The following TIA1 variants were observed in gnomAD, a reference collection of about 807,000 sequenced individuals.
TIA1 encodes the protein cytotoxic granule associated RNA binding protein TIA1.
In TIA1, 23 loss-of-function variants were observed where a neutral mutation model predicts 65.9. That is an observed-to-expected ratio of 0.35 (90% CI 0.25 to 0.49). TIA1 has a LOEUF of 0.49. TIA1 is among the 20% of genes least tolerant of loss of function. The pLI, the probability that TIA1 is intolerant of heterozygous loss-of-function variation, is 0.98. For synonymous variants in TIA1, 147 were observed against 149.4 expected, an observed-to-expected ratio of 0.98 and a Z score of 0.12; for missense variants, 371 against 477.9, an observed-to-expected ratio of 0.78 and a Z score of 2.09.
intron 1 of TIA1, among the ~76,000 whole-genome samples, chr2:70,247,745 C>T (rs1306083255): frequency 6.6e-6 from 1 of 152,146 alleles, no homozygotes; most frequent in Non-Finnish European, 1.5e-5. Context: ...CATTTCCCCT[C>T]AATTGATATA....
intron 2 of TIA1, among the ~76,000 whole-genome samples, chr2:70,232,798 G>C (rs534185769): frequency 1.3e-5 from 2 of 152,126 alleles, no homozygotes; most frequent in African/African-American, 4.8e-5. Flanking sequence ...GAACTCAGGA[G>C]GGGGACGTTG....
At position 70,213,280 on chromosome 2, in the gene TIA1, A is replaced by C. The variant is rs183070687; in HGVS notation, c.1035-435T>G. Among the ~76,000 whole-genome samples the C allele has an allele frequency of 1.4e-4, 21 of 152,278 alleles. No homozygotes were observed. The East Asian group carries it at 3.9e-3, about 28-fold the overall frequency. ...CATTATACTACTCAAAGAAGAAATC[A>C]AAACAATTATTAGCATATGAAAGCT... On this transcript the variant is annotated intron_variant, in intron 12 of 12. Transcript: ENST00000433529.
At chr2:70,247,511 T>C (rs1408333531) in intron 1 of TIA1, among the ~76,000 whole-genome samples, 2 of 152,192 alleles carry the variant, frequency 1.3e-5, no homozygotes, top group Non-Finnish European at 2.9e-5. Flanking sequence ...GCTTTTCTTC[T>C]TCCGAGAAAT....
At position 70,214,289 on chromosome 2, in the gene TIA1, A is replaced by G. The variant is rs1422230225; in HGVS notation, c.1034+60T>C. ...CCACTAATTCTTAAAATTTCTTCCT[A>G]CTTAAAATTTCTTTAGACATTTTCA... On this transcript the variant is annotated intron_variant, in intron 12 of 12. Coordinates refer to ENST00000433529, the MANE Select transcript of TIA1 (RefSeq NM_022173.4). 2.6e-6 allele frequency: 4 copies of G among 1,535,202 alleles called. No individual in the cohort carries two copies. The East Asian group carries it at 9.3e-5, about 36-fold the overall frequency.
At chr2:70,233,764 T>TA (rs528605670) in intron 2 of TIA1, among the ~76,000 whole-genome samples, 9,191 of 129,668 alleles carry the variant, frequency 0.071, 332 homozygotes, top group East Asian at 0.2. Context: ...AGACTCTGTC[T>TA]AAAAAAAAAA....
intron 2 of TIA1, 88 bp downstream of exon 2, chr2:70,235,991 T>C: frequency 4.1e-6 from 3 of 736,810 alleles, no homozygotes; most frequent in South Asian, 1.8e-5. Flanking sequence ...ATTTAGACCA[T>C]GGTAAACTAA....
chr2:70,211,690 C>T lies in TIA1; in HGVS notation c.*1029G>A, dbSNP rs1046149342. On this transcript the variant is annotated 3_prime_UTR_variant, in exon 13 of 13. Transcript: ENST00000433529. ...GAGCAGATGACTTTGTATTCAAAGA[C>T]TACCAAAGTATGTATTTGATTTTCA... 1 of 152,552 alleles carries T rather than the reference C, an allele frequency of 6.6e-6. No individual in the cohort carries two copies. The highest frequency in any genetic ancestry group is 2.4e-5 in the African/African-American group (1 of 41,420). 9.4% of individuals were successfully genotyped at this position (152,552 alleles called of 1,614,324 possible). A position where few individuals can be genotyped will look rare whatever the true frequency, so the allele number is the denominator to read the frequency against.
chr2:70,217,378 G>C (rs1400399083), intron 7 of TIA1, among the ~76,000 whole-genome samples: 1 of 149,844 alleles, frequency 6.7e-6, no homozygotes, highest in African/African-American at 2.4e-5. Context: ...CGCCATATTG[G>C]CCAGGCTGGT....
At chr2:70,227,300 A>G (rs1418355350) in intron 6 of TIA1, among the ~76,000 whole-genome samples, 1 of 152,170 alleles carries the variant, frequency 6.6e-6, no homozygotes, top group Non-Finnish European at 1.5e-5. Flanking sequence ...TCTAGAAAAT[A>G]ATATTCAATA....
At chr2:70,229,489 G>C (rs1685187430) in intron 3 of TIA1, among the ~76,000 whole-genome samples, 171 bp from the exon 4 acceptor site, 2 of 152,162 alleles carry the variant, frequency 1.3e-5, no homozygotes, top group African/African-American at 2.4e-5. Flanking sequence ...GGCAAATAAT[G>C]TTGACAAATC....
In TIA1 at chr2:70,212,707, T is replaced by C; in HGVS notation, c.*12A>G. The C allele has an allele frequency of 1.9e-6, 3 of 1,548,282 alleles. No individual in the cohort carries two copies. The highest frequency in any genetic ancestry group is 1.1e-5 in the South Asian group (1 of 89,826). ...GCCTCAAGCCACTGGCTTTAGATTC[T>C]GGAGTCCTTATTCACTGGGTTTCAT... On this transcript the variant is annotated 3_prime_UTR_variant, in exon 13 of 13. Coordinates refer to ENST00000433529, the MANE Select transcript of TIA1 (RefSeq NM_022173.4).
intron 6 of TIA1, among the ~76,000 whole-genome samples, chr2:70,226,804 G>A (rs542828948): frequency 7.2e-5 from 11 of 152,222 alleles, no homozygotes; most frequent in African/African-American, 2.6e-4. Flanking sequence ...TCTGAAAGAA[G>A]TCCATTTATA....
intron 1 of TIA1, among the ~76,000 whole-genome samples, chr2:70,236,733 T>TC (rs1276383230): frequency 1.3e-5 from 2 of 152,114 alleles, no homozygotes; most frequent in East Asian, 3.9e-4. Flanking sequence ...CACAAGGGAT[T>TC]CTCCCACTTC....
rs138716901 is a variant in TIA1, at chr2:70,228,681, T to A, written c.310+378A>T. On this transcript the variant is annotated intron_variant, in intron 5 of 12. Coordinates refer to ENST00000433529, the MANE Select transcript of TIA1 (RefSeq NM_022173.4). The stretch of plus-strand genomic sequence containing the variant: ...TATTTGGAAAGAAAAGTTACCCATA[T>A]TTGACAGGCCTTAAACAACATTTTG... 27 of 985,440 alleles carry A rather than the reference T, an allele frequency of 2.7e-5. No individual in the cohort carries two copies. The East Asian group carries it at 2.7e-3, about 99-fold the overall frequency. The allele number at this position is 985,440 out of a possible 1,614,324, so 61.0% of individuals were successfully genotyped here. A position where few individuals can be genotyped will look rare whatever the true frequency, so the allele number is the denominator to read the frequency against.
At chr2:70,229,753 T>G (rs1021902792) in intron 3 of TIA1, among the ~76,000 whole-genome samples, 1 of 151,508 alleles carries the variant, frequency 6.6e-6, no homozygotes, top group Non-Finnish European at 1.5e-5. Flanking sequence ...AGCCTGGCCA[T>G]CAGAGTGAAA....
At chr2:70,236,232 CTT>C (rs1191866789) in intron 1 of TIA1, 57 bp from the exon 2 acceptor site, 5 of 1,183,272 alleles carry the variant, frequency 4.2e-6, no homozygotes, top group Non-Finnish European at 4.9e-6. Flanking sequence ...GAGTTTCACT[CTT>C]GTTGCCCAGG....
rs746807265 is a variant in TIA1 at position 70,210,133 on chromosome 2, A to G, written c.*2586T>C. 3 of 161,762 alleles carry G rather than the reference A, an allele frequency of 1.9e-5. No individual in the cohort carries two copies. Among genetic ancestry groups the G allele is most frequent in the Admixed American group, 6.4e-5 (1 of 15,536 alleles). The allele number at this position is 161,762 out of a possible 1,614,324, so 10.0% of individuals were successfully genotyped here. On this transcript the variant is annotated 3_prime_UTR_variant, in exon 13 of 13. Transcript: ENST00000433529. ...TTAAAAAAAAAATACCTGAGTGAAT[A>G]TAACAATATGGATAGACCAAAAAGA...
intron 6 of TIA1, among the ~76,000 whole-genome samples, chr2:70,226,248 C>G (rs1048295528): frequency 7.2e-5 from 11 of 151,826 alleles, no homozygotes; most frequent in African/African-American, 2.7e-4. Context: ...AAAATATAAC[C>G]CACGATTTGT....
rs892434156 is a variant in TIA1 at position 70,209,642 on chromosome 2, G to C, written c.*3077C>G. On this transcript the variant is annotated 3_prime_UTR_variant, in exon 13 of 13. Transcript: ENST00000433529. The stretch of plus-strand genomic sequence containing the variant: ...AGAAAATCCAGGAAGAATGAATTGA[G>C]TTCCTTCTAGGAGTTGTTTATCCCT... 7.5e-6 allele frequency: 3 copies of C among 398,226 alleles called. No homozygotes were observed. Among genetic ancestry groups the C allele is most frequent in the Non-Finnish European group, 1.3e-5 (3 of 225,962 alleles). 24.7% of individuals were successfully genotyped at this position (398,226 alleles called of 1,614,324 possible).
Sources: allele counts gnomAD v4.1 joint callset (sites outside exome capture counted in the v4.1 genomes callset), GRCh38; gene constraint gnomAD v4.1.1; transcripts MANE v1.5; gene names NCBI Gene and HGNC (gene_info 2026-07-23, HGNC 2026-07-21).